SRGAP3: variants seen among roughly 807,000 people sequenced by gnomAD.
SRGAP3 encodes SLIT-ROBO Rho GTPase activating protein 3.
In SRGAP3, 39 loss-of-function variants were observed where a neutral mutation model predicts 121.1. The observed-to-expected ratio is 0.32, with a 90% confidence interval of 0.25 to 0.42. The LOEUF (loss-of-function observed/expected upper bound fraction) is 0.42. Among genes scored for constraint, SRGAP3 ranks in the 10% least tolerant of loss-of-function variants. SRGAP3 has a pLI of 1.00. For missense variants in SRGAP3, 1,213 were observed against 1,470.6 expected, an observed-to-expected ratio of 0.82 and a Z score of 2.86; for synonymous variants, 601 against 570.0, an observed-to-expected ratio of 1.05 and a Z score of -0.77.
At chr3:9,330,413 C>T (rs1290324627) in intron 2 of SRGAP3, 1 of 152,330 alleles carries the variant, frequency 6.6e-6, no homozygotes, top group Non-Finnish European at 1.5e-5. Flanking sequence ...CTCAAAGAAA[C>T]TTGGAGAGCT....
intron 9 of SRGAP3, 67 bp downstream of exon 9, chr3:9,052,960 T>C: frequency 1.3e-6 from 2 of 1,581,798 alleles, no homozygotes; most frequent in Non-Finnish European, 1.7e-6. Context: ...TAGCTTGGGT[T>C]GCTCCTGAAA....
intron 1 of SRGAP3, chr3:9,348,712 C>T: frequency 3.3e-6 from 4 of 1,225,516 alleles, no homozygotes; most frequent in East Asian, 4.6e-5. Flanking sequence ...ATGAGCAGCA[C>T]TCTGGGGGTC....
Position 9,095,576 on chromosome 3 carries a change from C to T in SRGAP3, c.423+9104G>A, listed in dbSNP as rs149041723. Among the ~76,000 whole-genome samples, 20 of 152,294 alleles carry T rather than the reference C, an allele frequency of 1.3e-4. No individual in the cohort carries two copies. In the East Asian group the frequency reaches 3.9e-3, roughly 29 times the overall value. Reference sequence around the variant, plus strand: ...CAATCAGTTGAATCAGCCCCATTTACTAAGTAGTCATCCTTTTCCCTTTGA... The same window carrying T: ...CAATCAGTTGAATCAGCCCCATTTATTAAGTAGTCATCCTTTTCCCTTTGA... On this transcript the variant is annotated intron_variant, in intron 3 of 21. Transcript: ENST00000383836.
chr3:9,045,375 T>C (rs1163012792), intron 10 of SRGAP3, among the ~76,000 whole-genome samples: 1 of 152,164 alleles, frequency 6.6e-6, no homozygotes, highest in East Asian at 1.9e-4. Flanking sequence ...CGGGAGGTTT[T>C]TTTTTATTGC....
At chr3:9,049,571 C>T (rs1477116543) in intron 9 of SRGAP3, 2 of 448,372 alleles carry the variant, frequency 4.5e-6, no homozygotes, top group East Asian at 1.4e-4. Context: ...CCAGTGTAAA[C>T]TGAGAGTAGA....
intron 3 of SRGAP3, among the ~76,000 whole-genome samples, chr3:9,286,554 G>T (rs1954775118): frequency 6.6e-6 from 1 of 151,950 alleles, no homozygotes; most frequent in Admixed American, 6.6e-5. Flanking sequence ...GAAAAATAAA[G>T]ACTATGACTC....
chr3:9,307,880 C>T (rs374155739), intron 3 of SRGAP3, among the ~76,000 whole-genome samples: 3 of 152,240 alleles, frequency 2.0e-5, no homozygotes, highest in Non-Finnish European at 2.9e-5. Context: ...ACAGGCTGGG[C>T]GTGGCAGCTC....
At chr3:9,203,840 A>C (rs1952161731) in intron 1 of SRGAP3, among the ~76,000 whole-genome samples, 1 of 152,198 alleles carries the variant, frequency 6.6e-6, no homozygotes, top group Non-Finnish European at 1.5e-5. Context: ...AATGGCTTTC[A>C]TACCCGGGAT....
chr3:9,164,934 C>T (rs560745040), intron 1 of SRGAP3, among the ~76,000 whole-genome samples: 2 of 152,254 alleles, frequency 1.3e-5, no homozygotes, highest in African/African-American at 4.8e-5. Flanking sequence ...GCTACCAACC[C>T]AGTGCCAGCC....
intron 3 of SRGAP3, among the ~76,000 whole-genome samples, chr3:9,269,881 G>A (rs1163685936): frequency 1.3e-5 from 2 of 152,116 alleles, no homozygotes; most frequent in Non-Finnish European, 2.9e-5. Flanking sequence ...GGAAGAAAGG[G>A]AGGGACAGAG....
At chr3:9,038,473 C>T (rs1441702453) in intron 10 of SRGAP3, among the ~76,000 whole-genome samples, 2 of 152,198 alleles carry the variant, frequency 1.3e-5, no homozygotes, top group Non-Finnish European at 1.5e-5. Context: ...TTAACTACCA[C>T]CCCTGGTGAT....
At chr3:9,285,794 A>G (rs1954757518) in intron 3 of SRGAP3, among the ~76,000 whole-genome samples, 1 of 151,904 alleles carries the variant, frequency 6.6e-6, no homozygotes, top group African/African-American at 2.4e-5. Context: ...AGTTAAATGA[A>G]AAACAAACCT....
intron 1 of SRGAP3, among the ~76,000 whole-genome samples, chr3:9,196,796 C>G (rs1311712208): frequency 6.6e-6 from 1 of 152,108 alleles, no homozygotes; most frequent in Non-Finnish European, 1.5e-5. Context: ...TAGTCCAATA[C>G]TCTTATTTTA....
chr3:9,328,273 A>G (rs983415320), intron 2 of SRGAP3, among the ~76,000 whole-genome samples: 1 of 151,954 alleles, frequency 6.6e-6, no homozygotes, highest in Non-Finnish European at 1.5e-5. Flanking sequence ...CACACAACAC[A>G]TATATAATTA....
At chr3:9,002,670 C>A (rs1034515921) in intron 18 of SRGAP3, among the ~76,000 whole-genome samples, 6 of 151,842 alleles carry the variant, frequency 4.0e-5, no homozygotes, top group South Asian at 2.1e-4. Flanking sequence ...TTGAAAAGAT[C>A]AATGAAATTG....
chr3:9,210,557 G>A (rs937110723), intron 1 of SRGAP3, among the ~76,000 whole-genome samples: 4 of 152,040 alleles, frequency 2.6e-5, no homozygotes, highest in African/African-American at 9.7e-5. Flanking sequence ...GGGCACAATG[G>A]CTGACACCTA....
intron 3 of SRGAP3, among the ~76,000 whole-genome samples, chr3:9,303,842 G>A (rs1335227711): frequency 6.6e-6 from 1 of 152,134 alleles, no homozygotes; most frequent in Non-Finnish European, 1.5e-5. Context: ...TTAAAATAAG[G>A]AAACTGAAGA....
chr3:9,352,429 A>G (rs896161514), intron 1 of SRGAP3, among the ~76,000 whole-genome samples: 1 of 151,962 alleles, frequency 6.6e-6, no homozygotes, highest in Non-Finnish European at 1.5e-5. Flanking sequence ...ACGCATCACT[A>G]CGCCTGGCTA....
At chr3:9,170,822 C>T (rs560308079) in intron 1 of SRGAP3, among the ~76,000 whole-genome samples, 27 of 152,322 alleles carry the variant, frequency 1.8e-4, no homozygotes, top group African/African-American at 6.5e-4. Context: ...AGCACTGCTC[C>T]TCTCCCCCAA....
Sources: gnomAD v4.1 joint callset for allele counts (sites outside exome capture counted in the v4.1 genomes callset) on GRCh38, gnomAD v4.1.1 for gene constraint, MANE v1.5 for transcripts, NCBI Gene and HGNC (gene_info 2026-07-23, HGNC 2026-07-21) for gene names.